The following UBA6 variants were observed in gnomAD, a reference collection of about 807,000 sequenced individuals.
The protein encoded by UBA6 is ubiquitin-like modifier-activating enzyme 6.
UBA6 carries 87 observed loss-of-function variants against 148.3 expected under a neutral mutation model. That is an observed-to-expected ratio of 0.59 (90% confidence interval 0.49 to 0.70). UBA6 has a LOEUF of 0.70. UBA6 is among the 30% of genes least tolerant of loss of function. The probability of loss-of-function intolerance (pLI) is 0.00; values close to 1 mark genes in which losing one functional copy is unlikely to be tolerated. For missense variants in UBA6, 1,186 were observed against 1,241.2 expected, an observed-to-expected ratio of 0.96 and a Z score of 0.67; for synonymous variants, 376 against 401.0, an observed-to-expected ratio of 0.94 and a Z score of 0.75.
chr4:67,646,592 G>C, intron 15 of UBA6, 132 bp downstream of exon 15: 1 of 608,540 alleles, frequency 1.6e-6, no homozygotes, highest in East Asian at 3.2e-5. Flanking sequence ...CACTTAAAAT[G>C]ATTCCTAAGT....
At position 67,625,098 on chromosome 4, in the gene UBA6, C is replaced by A. The variant is rs1728835443; in HGVS notation, c.2608G>T (p.Ala870Ser). 1 of 1,613,406 alleles carries A rather than the reference C, an allele frequency of 6.2e-7. No individual in the cohort carries two copies. Among genetic ancestry groups the A allele is most frequent in the Non-Finnish European group, 8.5e-7 (1 of 1,179,516 alleles). Reference sequence around the variant, plus strand: ...GCTGGTTCAATGCTGTACATTTTGGCACGAAGATTTGATGCAGCTGTGATG... The same window carrying A: ...GCTGGTTCAATGCTGTACATTTTGGAACGAAGATTTGATGCAGCTGTGATG... ...DFITAASNLRAKMYSIEPADR... is the reference protein window; with the variant it reads ...DFITAASNLRSKMYSIEPADR... The change falls in exon 29 of 33, where the codon GCC becomes TCC. Residue 870 changes from alanine to serine, a missense_variant. Physicochemically the swap from Ala to Ser is moderately conservative, Grantham distance 99. Coordinates refer to ENST00000322244, the MANE Select transcript of UBA6 (RefSeq NM_018227.6).
Position 67,697,108 on chromosome 4 carries a change from C to T in UBA6, c.72-401G>A, listed in dbSNP as rs188781474. Among the ~76,000 whole-genome samples the T allele has an allele frequency of 3.2e-3, 489 of 152,212 alleles. 5 individuals carry two copies. Among genetic ancestry groups the T allele is most frequent in the Admixed American group, 0.019 (293 of 15,296 alleles). Reference sequence around the variant, plus strand: ...GCAACGTCCACCTCCTGGTTTCAGACGATTTTCATGCCTCAGCCTCCCAAG... The same window carrying T: ...GCAACGTCCACCTCCTGGTTTCAGATGATTTTCATGCCTCAGCCTCCCAAG... On this transcript the variant is annotated intron_variant, in intron 1 of 32. Transcript: ENST00000322244.
chr4:67,618,944 G>A lies in UBA6; in HGVS notation c.*53C>T. On this transcript the variant is annotated 3_prime_UTR_variant, in exon 33 of 33. Coordinates refer to ENST00000322244, the MANE Select transcript of UBA6 (RefSeq NM_018227.6). ...TGATTTTCTTTAGCTTCTGAATTAA[G>A]TGCACTCTTTCCAAAATCAAGTGGT... is the stretch of plus-strand genomic sequence containing the variant. 1 of 1,566,588 alleles carries A rather than the reference G, an allele frequency of 6.4e-7. No individual in the cohort carries two copies. The highest frequency in any genetic ancestry group is 8.7e-7 in the Non-Finnish European group (1 of 1,150,512).
At chr4:67,657,826 C>CAAAAAAAAAAA (rs57984969) in intron 13 of UBA6, among the ~76,000 whole-genome samples, 3 of 115,144 alleles carry the variant, frequency 2.6e-5, no homozygotes, top group Middle Eastern at 4.5e-3. Context: ...AACAAATTTA[C>CAAAAAAAAAAA]AAAAAAAAAA....
At chr4:67,626,513 C>A (rs1172320803) in intron 27 of UBA6, 36 bp from the exon 28 acceptor site, 2 of 1,277,140 alleles carry the variant, frequency 1.6e-6, no homozygotes, top group East Asian at 4.8e-5. Context: ...TTAATGTTAT[C>A]ATTTCCTGCA....
intron 14 of UBA6, 107 bp downstream of exon 14, chr4:67,648,960 CA>C: frequency 1.7e-6 from 2 of 1,199,410 alleles, no homozygotes; most frequent in South Asian, 3.8e-5. Flanking sequence ...TTTCATGCAT[CA>C]AAAAGTATTT....
chr4:67,678,090 TAA>T (rs1730331563), intron 5 of UBA6, among the ~76,000 whole-genome samples: 1 of 147,172 alleles, frequency 6.8e-6, no homozygotes, highest in South Asian at 2.1e-4. Flanking sequence ...ATAATATATA[TAA>T]AAGATATATT....
chr4:67,654,745 T>C (rs982579942), intron 13 of UBA6, among the ~76,000 whole-genome samples: 34 of 151,432 alleles, frequency 2.2e-4, no homozygotes, highest in Non-Finnish European at 3.5e-4. Context: ...GACTGGCAAA[T>C]TGGATAAAGA....
chr4:67,692,760 C>G (rs190915648), intron 2 of UBA6, among the ~76,000 whole-genome samples: 3 of 151,984 alleles, frequency 2.0e-5, no homozygotes, highest in Non-Finnish European at 4.4e-5. Context: ...TCATAAAGGA[C>G]CTTTAAGGCT....
At chr4:67,654,337 T>A (rs1729628789) in intron 13 of UBA6, among the ~76,000 whole-genome samples, 1 of 152,206 alleles carries the variant, frequency 6.6e-6, no homozygotes, top group South Asian at 2.1e-4. Context: ...ACAGCGGATC[T>A]CTTGGCAGAA....
At chr4:67,681,779 C>G (rs1730445750) in intron 3 of UBA6, among the ~76,000 whole-genome samples, 188 bp from the exon 4 acceptor site, 1 of 152,096 alleles carries the variant, frequency 6.6e-6, no homozygotes, top group Admixed American at 6.6e-5. Context: ...TGTGCATAAT[C>G]ACAACACCCA....
intron 6 of UBA6, among the ~76,000 whole-genome samples, chr4:67,675,787 G>C (rs1013044923): frequency 1.2e-4 from 17 of 144,854 alleles, no homozygotes; most frequent in African/African-American, 4.3e-4. Flanking sequence ...GAAAGGAAAA[G>C]AAGAGAAAGA....
At chr4:67,676,321 G>A (rs1393127139) in intron 6 of UBA6, among the ~76,000 whole-genome samples, 3 of 152,142 alleles carry the variant, frequency 2.0e-5, no homozygotes, top group Non-Finnish European at 4.4e-5. Flanking sequence ...ACCGCGCCCA[G>A]CCTATAGTAC....
chr4:67,663,778 C>T (rs751708525), intron 11 of UBA6, 107 bp downstream of exon 11: 11 of 929,884 alleles, frequency 1.2e-5, no homozygotes, highest in African/African-American at 3.3e-5. Flanking sequence ...TTATAAGGCC[C>T]GACAGCCAGA....
At chr4:67,682,674 T>C (rs182294069) in intron 2 of UBA6, among the ~76,000 whole-genome samples, 17 of 152,290 alleles carry the variant, frequency 1.1e-4, no homozygotes, top group Non-Finnish European at 2.2e-4. Context: ...AGGACCTTGT[T>C]AAGTTATGCA....
At chr4:67,674,673 A>G (rs1730235023) in intron 6 of UBA6, among the ~76,000 whole-genome samples, 2 of 152,252 alleles carry the variant, frequency 1.3e-5, no homozygotes, top group African/African-American at 4.8e-5. Context: ...TAATAAAAAA[A>G]TCAAAGACTC....
intron 13 of UBA6, among the ~76,000 whole-genome samples, chr4:67,649,694 C>A (rs1395299294): frequency 2.0e-5 from 3 of 152,016 alleles, no homozygotes; most frequent in African/African-American, 7.2e-5. Flanking sequence ...TTAATAATAA[C>A]ACAATACACT....
intron 20 of UBA6, among the ~76,000 whole-genome samples, chr4:67,634,758 T>C (rs1279488408): frequency 6.6e-6 from 1 of 152,122 alleles, no homozygotes; most frequent in Admixed American, 6.5e-5. Flanking sequence ...TGTGTACTCA[T>C]TTAAAGCACC....
chr4:67,631,146 A>G (rs1728988363), intron 25 of UBA6, among the ~76,000 whole-genome samples: 1 of 152,182 alleles, frequency 6.6e-6, no homozygotes, highest in Non-Finnish European at 1.5e-5. Flanking sequence ...GGATTGCTTG[A>G]GCCTAGGAGT....
Sources: gnomAD v4.1 joint callset for allele counts (sites outside exome capture counted in the v4.1 genomes callset) on GRCh38, gnomAD v4.1.1 for gene constraint, MANE v1.5 for transcripts, NCBI Gene and HGNC (gene_info 2026-07-23, HGNC 2026-07-21) for gene names.